Variants in LRP1B observed in about 807,000 individuals in gnomAD.
LRP1B encodes LDL receptor related protein 1B, also known as low-density lipoprotein receptor-related protein 1B.
A neutral mutation model predicts 556.6 loss-of-function variants in LRP1B; 217 were observed. The observed-to-expected ratio is 0.39, with a 90% CI of 0.35 to 0.44. The LOEUF (loss-of-function observed/expected upper bound fraction) is 0.44. Ranked by LOEUF, LRP1B falls within the 20% of genes least tolerant of loss-of-function variation. The probability of loss-of-function intolerance (pLI) is 1.00; values close to 1 mark genes in which losing one functional copy is unlikely to be tolerated. For missense variants in LRP1B, 5,053 were observed against 5,620.8 expected, an observed-to-expected ratio of 0.90 and a Z score of 3.23; for synonymous variants, 2,047 against 1,865.8, an observed-to-expected ratio of 1.10 and a Z score of -2.50.
In LRP1B at chr2:140,432,027, C is replaced by A. The variant is rs1223982286; in HGVS notation, c.10414+10477G>T. Among the ~76,000 whole-genome samples, 7 of 152,300 alleles carry A rather than the reference C, an allele frequency of 4.6e-5. No individual in the cohort carries two copies. The East Asian group carries it at 9.6e-4, about 21-fold the overall frequency. On this transcript the variant is annotated intron_variant, in intron 66 of 90. Coordinates refer to ENST00000389484, the MANE Select transcript of LRP1B (RefSeq NM_018557.3). ...CTGAGCCCAAGCTAAGCTATCATAT[C>A]CCCTGTGACCTGCACTTACACATCC...
intron 2 of LRP1B, among the ~76,000 whole-genome samples, chr2:141,614,263 A>G (rs567368305): frequency 1.1e-3 from 163 of 152,196 alleles, no homozygotes; most frequent in African/African-American, 3.7e-3. Flanking sequence ...CACAGAACAC[A>G]CTTTGAAAAA....
At chr2:140,438,674 AG>A (rs1318760659) in intron 66 of LRP1B, among the ~76,000 whole-genome samples, 2 of 152,260 alleles carry the variant, frequency 1.3e-5, no homozygotes, top group African/African-American at 4.8e-5. Context: ...AGCCCTAGTT[AG>A]TGTGATTATA....
chr2:140,820,059 G>A (rs1378590145), intron 31 of LRP1B, among the ~76,000 whole-genome samples: 2 of 152,146 alleles, frequency 1.3e-5, no homozygotes, highest in Non-Finnish European at 2.9e-5. Flanking sequence ...GAGTGCAGTG[G>A]CATGACCTCA....
chr2:140,836,836 G>A (rs1691921558), intron 31 of LRP1B, among the ~76,000 whole-genome samples: 1 of 152,182 alleles, frequency 6.6e-6, no homozygotes, highest in Non-Finnish European at 1.5e-5. Context: ...CTTGGCACCT[G>A]CTTAACAGGA....
chr2:141,706,797 C>G (rs1387549672), intron 2 of LRP1B, among the ~76,000 whole-genome samples: 1 of 151,990 alleles, frequency 6.6e-6, no homozygotes, highest in Non-Finnish European at 1.5e-5. Flanking sequence ...TATTTTTAAT[C>G]ACTTCAAAAT....
intron 3 of LRP1B, among the ~76,000 whole-genome samples, chr2:141,352,159 T>C (rs1203668285): frequency 6.6e-6 from 1 of 151,884 alleles, no homozygotes; most frequent in African/African-American, 2.4e-5. Flanking sequence ...ATTAGAAAAA[T>C]CAAGTTAGGG....
intron 83 of LRP1B, 48 bp downstream of exon 83, chr2:140,314,882 TATATA>T: frequency 7.3e-7 from 1 of 1,364,786 alleles, no homozygotes; most frequent in East Asian, 2.4e-5. Flanking sequence ...TTTCGATTCA[TATATA>T]AGGAAAAGTG....
At chr2:141,295,466 A>C (rs1357128163) in intron 3 of LRP1B, among the ~76,000 whole-genome samples, 1 of 151,434 alleles carries the variant, frequency 6.6e-6, no homozygotes, top group Non-Finnish European at 1.5e-5. Context: ...TTTAGGGAGG[A>C]AAAAAAATTG....
intron 6 of LRP1B, among the ~76,000 whole-genome samples, chr2:141,216,366 T>C (rs183515274): frequency 2.6e-5 from 4 of 152,322 alleles, no homozygotes; most frequent in African/African-American, 9.6e-5. Flanking sequence ...TTTCAGAGGA[T>C]GTATGGGAAA....
In LRP1B at chr2:140,959,765, T is replaced by A. The variant is rs1022291757; in HGVS notation, c.2888-7825A>T. 6.6e-5 allele frequency among the ~76,000 whole-genome samples: 10 copies of A among 151,802 alleles called. No individual in the cohort carries two copies. The East Asian group carries it at 1.9e-3, about 29-fold the overall frequency. ...TTAGTGTGCCTACAACACTACAACT[T>A]CCAAGAGAAAAGGAGTAAGACAAAT... is the stretch of plus-strand genomic sequence containing the variant. On this transcript the variant is annotated intron_variant, in intron 18 of 90. Transcript: ENST00000389484.
chr2:141,246,715 A>G (rs908043021), intron 5 of LRP1B, among the ~76,000 whole-genome samples: 2 of 152,186 alleles, frequency 1.3e-5, no homozygotes, highest in Non-Finnish European at 2.9e-5. Flanking sequence ...CTATAATCCC[A>G]GCACTTTGGG....
intron 2 of LRP1B, among the ~76,000 whole-genome samples, chr2:141,784,206 C>G (rs1409069262): frequency 6.6e-6 from 1 of 151,764 alleles, no homozygotes; most frequent in Non-Finnish European, 1.5e-5. Flanking sequence ...ACCTTTTTTC[C>G]CCCAAAGTGG....
intron 43 of LRP1B, among the ~76,000 whole-genome samples, chr2:140,544,830 A>G (rs1177531362): frequency 1.3e-5 from 2 of 152,140 alleles, no homozygotes; most frequent in Non-Finnish European, 2.9e-5. Flanking sequence ...TCCTTTGGGT[A>G]TATACCCAGT....
At chr2:141,262,032 C>T (rs905294175) in intron 3 of LRP1B, among the ~76,000 whole-genome samples, 13 of 152,250 alleles carry the variant, frequency 8.5e-5, no homozygotes, top group Admixed American at 4.6e-4. Flanking sequence ...ACTCTACCTT[C>T]TTCCCAGCAG....
At chr2:140,323,809 TAAGATATTTA>T in intron 81 of LRP1B, 74 bp downstream of exon 81, 1 of 691,296 alleles carries the variant, frequency 1.4e-6, no homozygotes, top group Non-Finnish European at 2.3e-6. Flanking sequence ...TTTACATAGT[TAAGATATTTA>T]AAAATATATT....
chr2:140,488,230 C>T, intron 57 of LRP1B, among the ~76,000 whole-genome samples: 1 of 149,598 alleles, frequency 6.7e-6, no homozygotes, highest in East Asian at 1.9e-4. Context: ...TTACTTTCCC[C>T]CAAAGCTCTT....
intron 83 of LRP1B, among the ~76,000 whole-genome samples, chr2:140,306,943 ATAT>A (rs1253134499): frequency 3.3e-5 from 5 of 151,544 alleles, no homozygotes; most frequent in Non-Finnish European, 7.4e-5. Flanking sequence ...GCAATAGTAA[ATAT>A]TATTAAGGTC....
intron 35 of LRP1B, among the ~76,000 whole-genome samples, chr2:140,758,194 T>G (rs1026793588): frequency 1.3e-5 from 2 of 152,090 alleles, no homozygotes; most frequent in Admixed American, 1.3e-4. Flanking sequence ...GTTAAAAATT[T>G]TATGCTAATC....
intron 16 of LRP1B, among the ~76,000 whole-genome samples, chr2:140,991,876 G>A (rs1032736354): frequency 2.0e-5 from 3 of 152,056 alleles, no homozygotes; most frequent in South Asian, 2.1e-4. Flanking sequence ...AAGGGTAAAT[G>A]GATGCATAAT....
Sources: allele counts gnomAD v4.1 joint callset (sites outside exome capture counted in the v4.1 genomes callset), GRCh38; gene constraint gnomAD v4.1.1; transcripts MANE v1.5; gene names NCBI Gene and HGNC (gene_info 2026-07-23, HGNC 2026-07-21).